Variants in SLC35F4 observed in about 807,000 individuals in gnomAD.
SLC35F4 encodes the protein chromosome 14 open reading frame 36.
SLC35F4 carries 24 observed loss-of-function variants against 44.2 expected under a neutral mutation model. That is an observed-to-expected ratio of 0.54 (90% CI 0.39 to 0.76). SLC35F4 has a LOEUF of 0.76. Ranked by LOEUF, SLC35F4 falls within the 30% of genes least tolerant of loss-of-function variation. The pLI is 0.00. For missense variants in SLC35F4, 562 were observed against 586.1 expected (o/e 0.96, Z 0.42); for synonymous variants, 238 against 223.6 (o/e 1.06, Z -0.57).
chr14:57,704,436 ACTGT>A (rs2075619440), intron 1 of SLC35F4, among the ~76,000 whole-genome samples: 1 of 152,104 alleles, frequency 6.6e-6, no homozygotes, highest in Non-Finnish European at 1.5e-5. Flanking sequence ...TGAAAGCTGG[ACTGT>A]CTTAGAAAAA....
intron 1 of SLC35F4, among the ~76,000 whole-genome samples, chr14:57,677,408 A>G (rs1166434162): frequency 8.7e-6 from 1 of 114,954 alleles, no homozygotes; most frequent in Non-Finnish European, 1.8e-5. Context: ...AACTATTGAA[A>G]AAAAAATAAA....
chr14:57,883,638 G>A (rs1055882000), intron 1 of SLC35F4, among the ~76,000 whole-genome samples: 1 of 152,168 alleles, frequency 6.6e-6, no homozygotes, highest in Non-Finnish European at 1.5e-5. Context: ...AGTTTTAATA[G>A]GCTCTCTCTA....
At chr14:57,754,887 A>C (rs2076960791) in intron 1 of SLC35F4, among the ~76,000 whole-genome samples, 1 of 152,216 alleles carries the variant, frequency 6.6e-6, no homozygotes, top group African/African-American at 2.4e-5. Flanking sequence ...TGAAGCCCAG[A>C]GAGGGAAAGG....
At chr14:57,612,233 A>C (rs563402334) in intron 1 of SLC35F4, among the ~76,000 whole-genome samples, 5 of 152,244 alleles carry the variant, frequency 3.3e-5, no homozygotes, top group African/African-American at 1.2e-4. Context: ...CCTGGACAAC[A>C]GAGTGAGATC....
intron 1 of SLC35F4, among the ~76,000 whole-genome samples, chr14:57,806,769 G>C (rs732324): frequency 6.6e-6 from 1 of 151,974 alleles, no homozygotes; most frequent in Non-Finnish European, 1.5e-5. Flanking sequence ...ACTGGGTTGT[G>C]TGGAGAAAAT....
chr14:57,695,194 T>C (rs545288411), intron 1 of SLC35F4, among the ~76,000 whole-genome samples: 1 of 152,132 alleles, frequency 6.6e-6, no homozygotes, highest in Non-Finnish European at 1.5e-5. Flanking sequence ...CTAAAGAGCT[T>C]CTGCACAGCA....
intron 1 of SLC35F4, among the ~76,000 whole-genome samples, chr14:57,657,448 A>G (rs930462862): frequency 6.6e-6 from 1 of 152,136 alleles, no homozygotes; most frequent in African/African-American, 2.4e-5. Flanking sequence ...GCACATGGCC[A>G]TTAGTAATAT....
chr14:57,979,359 T>C (rs1881310655), intron 1 of SLC35F4, among the ~76,000 whole-genome samples: 1 of 152,162 alleles, frequency 6.6e-6, no homozygotes, highest in Non-Finnish European at 1.5e-5. Context: ...GAGAAGCCAA[T>C]ATGAGTAATG....
chr14:57,944,693 A>AG (rs775851905), intron 1 of SLC35F4, among the ~76,000 whole-genome samples: 7 of 110,348 alleles, frequency 6.3e-5, no homozygotes, highest in African/African-American at 3.2e-4. Context: ...AAAGAAAGAA[A>AG]GAAAAGAAAG....
chr14:57,916,010 G>A (rs1034067707), intron 1 of SLC35F4, among the ~76,000 whole-genome samples: 2 of 152,130 alleles, frequency 1.3e-5, no homozygotes, highest in Admixed American at 6.5e-5. Flanking sequence ...GTTTTAGTTC[G>A]TTTTCTGTTG....
intron 1 of SLC35F4, among the ~76,000 whole-genome samples, chr14:57,826,049 T>C (rs557082230): frequency 1.3e-5 from 2 of 152,330 alleles, no homozygotes; most frequent in African/African-American, 4.8e-5. Flanking sequence ...TGAGCCCATA[T>C]AGCCAAGACA....
chr14:57,630,252 C>T (rs2072701343), intron 1 of SLC35F4: 5 of 552,780 alleles, frequency 9.0e-6, no homozygotes, highest in Non-Finnish European at 1.4e-5. Context: ...CAGATACAGA[C>T]ATTCTAGAAG....
intron 1 of SLC35F4, among the ~76,000 whole-genome samples, chr14:57,893,511 C>T (rs955397827): frequency 6.6e-6 from 1 of 152,208 alleles, no homozygotes; most frequent in Admixed American, 6.5e-5. Context: ...AAAGCCCATG[C>T]TCTCTGCCAT....
At chr14:57,787,308 A>G (rs1308997347) in intron 1 of SLC35F4, among the ~76,000 whole-genome samples, 3 of 152,336 alleles carry the variant, frequency 2.0e-5, no homozygotes, top group Middle Eastern at 6.8e-3. Context: ...CCTGAAGAAG[A>G]AGAGAATTCT....
At chr14:57,747,314 T>C (rs2076782128) in intron 1 of SLC35F4, among the ~76,000 whole-genome samples, 1 of 152,142 alleles carries the variant, frequency 6.6e-6, no homozygotes, top group Admixed American at 6.5e-5. Flanking sequence ...CAGTGACAAA[T>C]TGAATGAAAA....
At chr14:57,831,264 G>A (rs775210605) in intron 1 of SLC35F4, among the ~76,000 whole-genome samples, 11 of 152,120 alleles carry the variant, frequency 7.2e-5, no homozygotes, top group Admixed American at 2.6e-4. Context: ...TAGTGAGAAG[G>A]CAGCCTCTGC....
At chr14:57,689,390 A>G (rs934517816) in intron 1 of SLC35F4, among the ~76,000 whole-genome samples, 7 of 152,118 alleles carry the variant, frequency 4.6e-5, no homozygotes, top group African/African-American at 1.7e-4. Context: ...GAATTCCAAG[A>G]GTCGCCCAAG....
At chr14:57,670,990 C>T (rs993431755) in intron 1 of SLC35F4, among the ~76,000 whole-genome samples, 5 of 149,312 alleles carry the variant, frequency 3.3e-5, no homozygotes, top group East Asian at 2.0e-4. Flanking sequence ...CTGCAACCTC[C>T]GCCTCCCGGG....
intron 1 of SLC35F4, among the ~76,000 whole-genome samples, chr14:57,951,468 A>G (rs1890138683): frequency 6.6e-6 from 1 of 152,124 alleles, no homozygotes; most frequent in Admixed American, 6.6e-5. Context: ...GGCTGAAGCC[A>G]GGGAGCCAAG....
Sources: gnomAD v4.1 joint callset for allele counts (sites outside exome capture counted in the v4.1 genomes callset) on GRCh38, gnomAD v4.1.1 for gene constraint, MANE v1.5 for transcripts, NCBI Gene and HGNC (gene_info 2026-07-23, HGNC 2026-07-21) for gene names.